DHTKD1: variants seen among roughly 807,000 people sequenced by gnomAD.
The protein encoded by DHTKD1 is dehydrogenase E1 and transketolase domain containing 1, also known as 2-oxoadipate dehydrogenase complex component E1.
In DHTKD1, 78 loss-of-function variants were observed where a neutral mutation model predicts 101.8. That is an observed-to-expected ratio of 0.77 (90% CI 0.64 to 0.93). The LOEUF is 0.93. Ranked by LOEUF, DHTKD1 falls within the 40% of genes least tolerant of loss-of-function variation. The probability of loss-of-function intolerance (pLI) is 0.00; values close to 1 mark genes in which losing one functional copy is unlikely to be tolerated. For synonymous variants in DHTKD1, 462 were observed against 450.3 expected (o/e 1.03, Z -0.33); for missense variants, 1,223 against 1,161.7 (o/e 1.05, Z -0.77).
chr10:12,122,829 T>A lies in DHTKD1; in HGVS notation c.*1941T>A, dbSNP rs1160271085. 2 of 152,158 alleles carry A rather than the reference T, an allele frequency of 1.3e-5. No individual in the cohort carries two copies. The highest frequency in any genetic ancestry group is 1.5e-5 in the Non-Finnish European group (1 of 68,052). The allele number at this position is 152,158 out of a possible 1,614,324, so 9.4% of individuals were successfully genotyped here. Reference sequence around the variant, plus strand: ...CTCAGTGCTGGGGGCCTCTACCATCTACTGTGCTTGTGTCATGATGCTTTT... The same window carrying A: ...CTCAGTGCTGGGGGCCTCTACCATCAACTGTGCTTGTGTCATGATGCTTTT... On this transcript the variant is annotated 3_prime_UTR_variant, in exon 17 of 17. Coordinates refer to ENST00000263035, the MANE Select transcript of DHTKD1 (RefSeq NM_018706.7).
In DHTKD1 at chr10:12,091,512, G is replaced by T. The variant is rs1440722295; in HGVS notation, c.988-1G>T. The stretch of plus-strand genomic sequence containing the variant: ...CCCGCTCCCCTTGCCTCATGATTTA[G>T]GTCCATGGTGATGCTTCTTTCTGTG... On this transcript the variant is annotated splice_acceptor_variant, in intron 5 of 16. Transcript: ENST00000263035. LOFTEE classifies it high-confidence loss of function. The T allele has an allele frequency of 6.3e-7, 1 of 1,589,258 alleles. No individual in the cohort carries two copies. Among genetic ancestry groups the T allele is most frequent in the Non-Finnish European group, 8.6e-7 (1 of 1,166,438 alleles).
At position 12,084,723 on chromosome 10, in the gene DHTKD1, A is replaced by G; in HGVS notation, c.494A>G (p.His165Arg). The G allele has an allele frequency of 1.2e-6, 2 of 1,614,110 alleles. No homozygotes were observed. The highest frequency in any genetic ancestry group is 1.7e-6 in the Non-Finnish European group (2 of 1,180,016). The change falls in exon 3 of 17, where the codon CAT becomes CGT. Residue 165 changes from histidine (H) to arginine (R), a missense_variant. His to Arg is a conservative substitution (Grantham distance 29). Coordinates refer to ENST00000263035, the MANE Select transcript of DHTKD1 (RefSeq NM_018706.7). Reference sequence around the variant, plus strand: ...ACGTTTACCACAGAAGAGCGAAAACATCTGTCGAAACTAATGCTGGAATCT... The same window carrying G: ...ACGTTTACCACAGAAGAGCGAAAACGTCTGTCGAAACTAATGCTGGAATCT... Reference protein sequence around the residue: ...KETFTTEERKHLSKLMLESQE... With the variant: ...KETFTTEERKRLSKLMLESQE...
At chr10:12,106,167 C>G in intron 10 of DHTKD1, 79 bp from the exon 11 acceptor site, 1 of 1,462,954 alleles carries the variant, frequency 6.8e-7, no homozygotes, top group Non-Finnish European at 9.6e-7. Context: ...CGCACCACCT[C>G]CCTTCGATAA....
Position 12,094,208 on chromosome 10 carries a change from A to T in DHTKD1, c.1295A>T (p.Gln432Leu), listed in dbSNP as rs373872630. ...DVIIDLLCYRQWGHNELDEPF... is the reference protein window; with the variant it reads ...DVIIDLLCYRLWGHNELDEPF... The stretch of plus-strand genomic sequence containing the variant: ...ATTATTGATCTGTTGTGCTACAGGC[A>T]GTGGGGCCACAATGAGCTGGATGAG... The change falls in exon 7 of 17, where the codon CAG becomes CTG. Residue 432 changes from glutamine (Q) to leucine (L), a missense_variant. Transcript: ENST00000263035. 2 of 1,614,106 alleles carry T rather than the reference A, an allele frequency of 1.2e-6. No homozygotes were observed. The highest frequency in any genetic ancestry group is 1.7e-6 in the Non-Finnish European group (2 of 1,180,048).
Position 12,112,894 on chromosome 10 carries a change from T to C in DHTKD1, c.2155-6T>C. 1 of 1,589,506 alleles carries C rather than the reference T, an allele frequency of 6.3e-7. No homozygotes were observed. Among genetic ancestry groups the C allele is most frequent in the Non-Finnish European group, 8.6e-7 (1 of 1,168,756 alleles). ...TTCTTCTCCTTTCTTGCCACTTCTC[T>C]CCCAGATGTGTGACAGTGCGGAAGA... is the stretch of plus-strand genomic sequence containing the variant. On this transcript the variant is annotated splice_region_variant and splice_polypyrimidine_tract_variant and intron_variant, in intron 12 of 16. Transcript: ENST00000263035.
Position 12,076,995 on chromosome 10 carries a change from A to AAAAAAAAG in DHTKD1, c.155-4477_155-4476insAAAAAAAG, listed in dbSNP as rs1554790544. ...TCTGATAAAAAAAAAAAAAAAAAAA[A>AAAAAAAAG]GGAAGAAAAAAGAACAAGTCGGCAA... On this transcript the variant is annotated intron_variant, in intron 1 of 16. Transcript: ENST00000263035. 2.2e-3 allele frequency among the ~76,000 whole-genome samples: 283 copies of AAAAAAAAG among 128,046 alleles called. 9 individuals carry two copies. The highest frequency in any genetic ancestry group is 3.5e-3 in the Non-Finnish European group (212 of 60,772). The allele number at this position is 128,046 out of a possible 152,430, so 84.0% of individuals were successfully genotyped here. A position where few individuals can be genotyped will look rare whatever the true frequency, so the allele number is the denominator to read the frequency against.
chr10:12,118,159 G>A lies in DHTKD1; in HGVS notation c.2402+404G>A, dbSNP rs1833449498. 2.0e-5 allele frequency among the ~76,000 whole-genome samples: 3 copies of A among 151,872 alleles called. No homozygotes were observed. The South Asian group carries it at 6.2e-4, about 32-fold the overall frequency. ...CCCACCTCAGCCTCTGAAAGTGCTG[G>A]GATTGCAGGCGTGAGCCACCATGCC... is the stretch of plus-strand genomic sequence containing the variant. On this transcript the variant is annotated intron_variant, in intron 14 of 16. Coordinates refer to ENST00000263035, the MANE Select transcript of DHTKD1 (RefSeq NM_018706.7).
In DHTKD1 at chr10:12,100,278, T is replaced by C. The variant is rs202188722; in HGVS notation, c.1756+16T>C. On this transcript the variant is annotated intron_variant, in intron 9 of 16. Coordinates refer to ENST00000263035, the MANE Select transcript of DHTKD1 (RefSeq NM_018706.7). The stretch of plus-strand genomic sequence containing the variant: ...CTTGCTCAAGGTAAGAATTTTCTTT[T>C]TTTTTTCTGTTTTTTTTTTTTTTGA... The C allele has an allele frequency of 9.1e-4, 823 of 908,436 alleles. 32 individuals are homozygous for C. In the Admixed American group the frequency reaches 0.016, roughly 18 times the overall value. 56.3% of individuals were successfully genotyped at this position (908,436 alleles called of 1,614,324 possible).
intron 15 of DHTKD1, among the ~76,000 whole-genome samples, chr10:12,119,909 T>A (rs563718399): frequency 6.6e-6 from 1 of 152,188 alleles, no homozygotes; most frequent in Non-Finnish European, 1.5e-5. Flanking sequence ...CTCAGAACAC[T>A]CACATTAGCT....
intron 1 of DHTKD1, among the ~76,000 whole-genome samples, chr10:12,070,828 C>T (rs973876435): frequency 6.6e-6 from 1 of 152,198 alleles, no homozygotes; most frequent in Admixed American, 6.6e-5. Context: ...ATTCCCCTTC[C>T]TGTCTACTTG....
chr10:12,112,352 T>C (rs1046184945), intron 12 of DHTKD1, among the ~76,000 whole-genome samples: 1 of 152,078 alleles, frequency 6.6e-6, no homozygotes, highest in Non-Finnish European at 1.5e-5. Context: ...GTCAACTCTC[T>C]TTCTTTCCTT....
At position 12,107,387 on chromosome 10, in the gene DHTKD1, T is replaced by C. The variant is rs745400726; in HGVS notation, c.2048-522T>C. 6.6e-6 allele frequency among the ~76,000 whole-genome samples: 1 copy of C among 151,958 alleles called. No individual in the cohort carries two copies. Among genetic ancestry groups the C allele is most frequent in the African/African-American group, 2.4e-5 (1 of 41,396 alleles). ...GTTCCCCTTTGAGTTTGTCTTCCAC[T>C]CGTAAAAGCCCAGGGCCTGTGCCGT... is the stretch of plus-strand genomic sequence containing the variant. On this transcript the variant is annotated intron_variant, in intron 11 of 16. Transcript: ENST00000263035. This position sits in a 1 kb window ranked among gnomAD's most constrained non-coding sequence, Gnocchi z 4.1.
intron 6 of DHTKD1, among the ~76,000 whole-genome samples, 154 bp from the exon 7 acceptor site, chr10:12,093,919 C>T (rs1235251770): frequency 6.6e-6 from 1 of 152,172 alleles, no homozygotes; most frequent in Non-Finnish European, 1.5e-5. Context: ...AGAGTTGGAA[C>T]TTGCCAGCTG....
chr10:12,115,657 G>A (rs1206327927), intron 13 of DHTKD1, among the ~76,000 whole-genome samples: 1 of 152,058 alleles, frequency 6.6e-6, no homozygotes, highest in Admixed American at 6.6e-5. Flanking sequence ...CCAGTGTTTC[G>A]CAAACAACCT....
intron 6 of DHTKD1, among the ~76,000 whole-genome samples, chr10:12,091,914 C>T (rs1832996536): frequency 6.6e-6 from 1 of 151,892 alleles, no homozygotes; most frequent in Non-Finnish European, 1.5e-5. Flanking sequence ...AAGTGATTCT[C>T]TTGCCTCAGC....
chr10:12,118,776 C>G lies in DHTKD1; in HGVS notation c.2430C>G (p.Gly810=), dbSNP rs1282980855. The G allele has an allele frequency of 1.3e-6, 2 of 1,594,930 alleles. No individual in the cohort carries two copies. Among genetic ancestry groups the G allele is most frequent in the African/African-American group, 1.4e-5 (1 of 73,826 alleles). ...TTAAGACCCTCGTGTTCTGCTCCGGCAAACATTTCTACTCCCTGGTGAAAC... is the reference window on the plus strand; with the variant it reads ...TTAAGACCCTCGTGTTCTGCTCCGGGAAACATTTCTACTCCCTGGTGAAAC... ...KKVKTLVFCS[G]KHFYSLVKQR... is the part of the protein sequence containing the mutation. The change falls in exon 15 of 17, where the codon GGC becomes GGG. Residue 810 remains glycine, a synonymous_variant. Transcript: ENST00000263035.
intron 13 of DHTKD1, among the ~76,000 whole-genome samples, chr10:12,115,464 T>A (rs1266892366): frequency 6.6e-6 from 1 of 152,124 alleles, no homozygotes; most frequent in Non-Finnish European, 1.5e-5. Context: ...GGGGCGATAT[T>A]TTCATGGCCC....
Position 12,085,332 on chromosome 10 carries a change from CT to C in DHTKD1, c.522+582del, listed in dbSNP as rs1391886148. Among the ~76,000 whole-genome samples the C allele has an allele frequency of 2.0e-4, 30 of 152,206 alleles. No individual in the cohort carries two copies. The South Asian group carries it at 4.1e-3, about 21-fold the overall frequency. ...CTCAAAAAAAAAAGATATATAACTA[CT>C]GAAGAGAGGGAATTGAGCCATTAAC... On this transcript the variant is annotated intron_variant, in intron 3 of 16. Coordinates refer to ENST00000263035, the MANE Select transcript of DHTKD1 (RefSeq NM_018706.7).
chr10:12,101,388 A>T (rs1817492095), intron 10 of DHTKD1, among the ~76,000 whole-genome samples: 1 of 152,176 alleles, frequency 6.6e-6, no homozygotes, highest in South Asian at 2.1e-4. Flanking sequence ...TCTTCTGGTG[A>T]CATATCTGTA....
Sources: allele counts gnomAD v4.1 joint callset (sites outside exome capture counted in the v4.1 genomes callset), GRCh38; gene constraint gnomAD v4.1.1; non-coding constraint Gnocchi (gnomAD v3.1); transcripts MANE v1.5; gene names NCBI Gene and HGNC (gene_info 2026-07-23, HGNC 2026-07-21).